ZSCAN5A: variants seen among roughly 807,000 people sequenced by gnomAD.
ZSCAN5A encodes the protein zinc finger and SCAN domain-containing protein 5A.
In ZSCAN5A, 12 loss-of-function variants were observed where a neutral mutation model predicts 23.7. The ratio of observed to expected loss-of-function variants is 0.51; its 90% CI spans 0.32 to 0.82. ZSCAN5A has a LOEUF of 0.82. ZSCAN5A is among the 40% of genes least tolerant of loss of function. The probability of loss-of-function intolerance (pLI) is 0.03; values close to 1 mark genes in which losing one functional copy is unlikely to be tolerated. For synonymous variants in ZSCAN5A, 257 were observed against 239.9 expected, an observed-to-expected ratio of 1.07 and a Z score of -0.66; for missense variants, 597 against 617.9, an observed-to-expected ratio of 0.97 and a Z score of 0.36.
intron 2 of ZSCAN5A, among the ~76,000 whole-genome samples, chr19:56,269,520 T>C (rs377474338): frequency 2.0e-5 from 3 of 152,066 alleles, no homozygotes; most frequent in African/African-American, 7.2e-5. Flanking sequence ...CAGCTGACCT[T>C]GTGGGGAGAT....
chr19:56,291,372 C>A (rs186759340), intron 2 of ZSCAN5A, among the ~76,000 whole-genome samples: 5 of 152,296 alleles, frequency 3.3e-5, no homozygotes, highest in East Asian at 1.9e-4. Context: ...TGGATTAATG[C>A]GTCTCTAAAG....
intron 2 of ZSCAN5A, among the ~76,000 whole-genome samples, 166 bp downstream of exon 2, chr19:56,313,117 C>T (rs900250647): frequency 1.3e-5 from 2 of 152,216 alleles, no homozygotes; most frequent in South Asian, 2.1e-4. Flanking sequence ...CATGTGCAAA[C>T]AGGGCTGATC....
At chr19:56,308,558 AG>A (rs2040846712) in intron 2 of ZSCAN5A, among the ~76,000 whole-genome samples, 1 of 150,450 alleles carries the variant, frequency 6.6e-6, no homozygotes, top group African/African-American at 2.5e-5. Context: ...TCCTGACCTC[AG>A]GTGACCCACC....
chr19:56,328,816 C>T (rs569216143), intron 2 of ZSCAN5A, among the ~76,000 whole-genome samples: 3 of 147,898 alleles, frequency 2.0e-5, no homozygotes, highest in Middle Eastern at 7.2e-3. Flanking sequence ...GGTGAAACCC[C>T]ATCTCTACTA....
At chr19:56,262,653 A>C (rs983052539) in intron 2 of ZSCAN5A, among the ~76,000 whole-genome samples, 1 of 151,964 alleles carries the variant, frequency 6.6e-6, no homozygotes, top group African/African-American at 2.4e-5. Flanking sequence ...ACTGGTCTCG[A>C]ACTCCTGACC....
At chr19:56,345,694 G>C (rs1378351887) in intron 2 of ZSCAN5A, among the ~76,000 whole-genome samples, 1 of 152,142 alleles carries the variant, frequency 6.6e-6, no homozygotes, top group Non-Finnish European at 1.5e-5. Flanking sequence ...GGCTCTCTGA[G>C]CTCTGGGCAG....
At chr19:56,363,890 G>A (rs1245383305) in intron 1 of ZSCAN5A, among the ~76,000 whole-genome samples, 1 of 152,214 alleles carries the variant, frequency 6.6e-6, no homozygotes, top group Non-Finnish European at 1.5e-5. Context: ...GCAGACCATA[G>A]TAGTTTGGAA....
chr19:56,325,727 T>TGCCTCACTA (rs1319834138), intron 2 of ZSCAN5A, among the ~76,000 whole-genome samples: 3 of 142,912 alleles, frequency 2.1e-5, no homozygotes, highest in Admixed American at 2.0e-4. Flanking sequence ...ATATACTGGT[T>TGCCTCACTA]ATCTGTTGTT....
intron 2 of ZSCAN5A, among the ~76,000 whole-genome samples, chr19:56,253,852 T>C (rs373005117): frequency 6.6e-6 from 1 of 152,208 alleles, no homozygotes; most frequent in Non-Finnish European, 1.5e-5. Flanking sequence ...ACTAGCATCA[T>C]ACGCACCCAG....
At chr19:56,329,787 GTTTA>G (rs1377658457) in intron 2 of ZSCAN5A, among the ~76,000 whole-genome samples, 4 of 152,116 alleles carry the variant, frequency 2.6e-5, no homozygotes, top group Admixed American at 1.3e-4. Flanking sequence ...AATCTGGGTA[GTTTA>G]TTTATCCCAA....
intron 2 of ZSCAN5A, among the ~76,000 whole-genome samples, chr19:56,242,815 G>C (rs984158454): frequency 3.3e-5 from 5 of 152,006 alleles, no homozygotes; most frequent in African/African-American, 1.2e-4. Context: ...TCTCGCTCTT[G>C]TTGCCCAGGC....
In ZSCAN5A at chr19:56,221,948, A is replaced by G; in HGVS notation, c.1118T>C (p.Ile373Thr). 1 of 1,614,078 alleles carries G rather than the reference A, an allele frequency of 6.2e-7. No individual in the cohort carries two copies. Among genetic ancestry groups the G allele is most frequent in the Non-Finnish European group, 8.5e-7 (1 of 1,180,030 alleles). ...KRFTCNSKLV[I>T]HKRSHTGERL... Reference sequence around the variant, plus strand: ...CTCGCCTGTGTGTGATCTCTTGTGGATGACTAGCTTGGAATTACACGTAAA... The same window carrying G: ...CTCGCCTGTGTGTGATCTCTTGTGGGTGACTAGCTTGGAATTACACGTAAA... The change falls in exon 6 of 6, where the codon ATC becomes ACC. Residue 373 changes from isoleucine to threonine, a missense_variant. Ile to Thr is a moderately conservative substitution (Grantham distance 89, BLOSUM62 -1). This residue lies in a region of ZSCAN5A where 406 missense variants were observed against 353.2 expected (regional missense o/e 1.15). Transcript: ENST00000683990.
chr19:56,237,749 G>A (rs2035044671), intron 2 of ZSCAN5A, among the ~76,000 whole-genome samples: 2 of 151,600 alleles, frequency 1.3e-5, no homozygotes, highest in South Asian at 2.1e-4. Context: ...GCGAAACCCC[G>A]TCTCTACAAA....
chr19:56,313,059 G>A lies in ZSCAN5A; in HGVS notation c.-128+224C>T, dbSNP rs370455015. Among the ~76,000 whole-genome samples the A allele has an allele frequency of 2.0e-5, 3 of 152,218 alleles. No homozygotes were observed. The South Asian group carries it at 6.2e-4, about 31-fold the overall frequency. On this transcript the variant is annotated intron_variant, in intron 2 of 5. Coordinates refer to ENST00000683990, the MANE Select transcript of ZSCAN5A (RefSeq NM_001322064.3). ...ATTCTGACTGAGTTGATATGGCTGT[G>A]TTTGCATAACAGCTCATAGGAAGCT...
At chr19:56,330,289 G>A (rs746231699) in intron 2 of ZSCAN5A, among the ~76,000 whole-genome samples, 6 of 152,206 alleles carry the variant, frequency 3.9e-5, no homozygotes, top group Non-Finnish European at 8.8e-5. Flanking sequence ...GCGCTGCAAT[G>A]AACATATGGG....
intron 2 of ZSCAN5A, among the ~76,000 whole-genome samples, chr19:56,254,910 C>T (rs577681648): frequency 5.9e-5 from 9 of 152,046 alleles, no homozygotes; most frequent in South Asian, 4.2e-4. Flanking sequence ...GTTGAGTTAG[C>T]GTTCTTTATA....
chr19:56,335,429 T>G (rs1434248075), intron 2 of ZSCAN5A, among the ~76,000 whole-genome samples: 1 of 152,202 alleles, frequency 6.6e-6, no homozygotes, highest in African/African-American at 2.4e-5. Flanking sequence ...AACATTTCCA[T>G]TTGCTTGGTA....
intron 2 of ZSCAN5A, among the ~76,000 whole-genome samples, chr19:56,239,364 T>A (rs554759436): frequency 6.6e-6 from 1 of 152,346 alleles, no homozygotes; most frequent in South Asian, 2.1e-4. Flanking sequence ...AATCTAATCA[T>A]GACACTCAGT....
chr19:56,312,873 C>G (rs1461625040), intron 2 of ZSCAN5A, among the ~76,000 whole-genome samples: 2 of 152,244 alleles, frequency 1.3e-5, no homozygotes, highest in African/African-American at 4.8e-5. Flanking sequence ...TTCATACAGT[C>G]ATCGTGGGAA....
Sources: allele counts gnomAD v4.1 joint callset (sites outside exome capture counted in the v4.1 genomes callset), GRCh38; gene constraint gnomAD v4.1.1; regional missense constraint gnomAD v4.1.1; transcripts MANE v1.5; gene names NCBI Gene and HGNC (gene_info 2026-07-23, HGNC 2026-07-21).